ATP2B1: variants seen among roughly 807,000 people sequenced by gnomAD.
ATP2B1 encodes the protein ATPase plasma membrane Ca2+ transporting 1, also known as plasma membrane calcium-transporting ATPase 1.
A neutral mutation model predicts 124.2 loss-of-function variants in ATP2B1; 14 were observed. The observed-to-expected ratio is 0.11, with a 90% CI of 0.07 to 0.18. The LOEUF is 0.18. Ranked by LOEUF, ATP2B1 falls within the 10% of genes least tolerant of loss-of-function variation. The probability of loss-of-function intolerance (pLI) is 1.00; values close to 1 mark genes in which losing one functional copy is unlikely to be tolerated. For missense variants in ATP2B1, 763 were observed against 1,466.1 expected (o/e 0.52, Z 7.83); for synonymous variants, 449 against 492.4 (o/e 0.91, Z 1.17).
intron 1 of ATP2B1, among the ~76,000 whole-genome samples, chr12:89,678,243 T>C (rs1404942750): frequency 1.3e-5 from 2 of 152,066 alleles, no homozygotes; most frequent in East Asian, 3.9e-4. Context: ...CCATAGTGAT[T>C]CCATAATAGA....
chr12:89,675,486 GA>G, intron 1 of ATP2B1, among the ~76,000 whole-genome samples: 1 of 152,220 alleles, frequency 6.6e-6, no homozygotes, highest in African/African-American at 2.4e-5. Flanking sequence ...TGAATTTTGA[GA>G]ATATGTCTTA....
intron 1 of ATP2B1, among the ~76,000 whole-genome samples, chr12:89,664,040 ATTTAT>A (rs756085514): frequency 1.3e-5 from 2 of 152,208 alleles, no homozygotes; most frequent in African/African-American, 2.4e-5. Flanking sequence ...TACAGGGCCT[ATTTAT>A]TTTGTTTCTC....
intron 19 of ATP2B1, 75 bp from the exon 20 acceptor site, chr12:89,599,374 G>A (rs1017464543): frequency 6.8e-7 from 1 of 1,472,126 alleles, no homozygotes; most frequent in Non-Finnish European, 9.2e-7. Context: ...AATACTAAAG[G>A]TATTAAAAGT....
In ATP2B1 at chr12:89,590,784, C is replaced by A; in HGVS notation, c.*200G>T. ...TGTTTATCTGTCAGTTCATTTCTCC[C>A]ACCCCCCAAAAAGCACCCTCAGTCT... is the stretch of plus-strand genomic sequence containing the variant. On this transcript the variant is annotated 3_prime_UTR_variant, in exon 21 of 21. Coordinates refer to ENST00000428670, the MANE Select transcript of ATP2B1 (RefSeq NM_001366521.1). 1 of 555,070 alleles carries A rather than the reference C, an allele frequency of 1.8e-6. No individual in the cohort carries two copies. The highest frequency in any genetic ancestry group is 1.9e-5 in the African/African-American group (1 of 52,806). 34.4% of individuals were successfully genotyped at this position (555,070 alleles called of 1,614,324 possible).
intron 1 of ATP2B1, among the ~76,000 whole-genome samples, chr12:89,665,051 G>C (rs1283900440): frequency 6.6e-6 from 1 of 151,964 alleles, no homozygotes; most frequent in Non-Finnish European, 1.5e-5. Flanking sequence ...GGATAGTCTC[G>C]ATCTCCTGAC....
In ATP2B1 at chr12:89,604,363, T is replaced by C; in HGVS notation, c.2443-17A>G. On this transcript the variant is annotated splice_polypyrimidine_tract_variant and intron_variant, in intron 15 of 20. Transcript: ENST00000428670. ...AGCAATACCCTGTTAAAAAAAATTT[T>C]GTGAATTAGACTAAATGTTTTAAGT... 6.4e-7 allele frequency: 1 copy of C among 1,571,086 alleles called. No individual in the cohort carries two copies. The highest frequency in any genetic ancestry group is 8.6e-7 in the Non-Finnish European group (1 of 1,161,646).
At position 89,621,741 on chromosome 12, in the gene ATP2B1, G is replaced by T; in HGVS notation, c.1395C>A (p.Thr465=). 6.2e-7 allele frequency: 1 copy of T among 1,604,866 alleles called. No individual in the cohort carries two copies. Among genetic ancestry groups the T allele is most frequent in the South Asian group, 1.1e-5 (1 of 89,284 alleles). ...AACAAATAGCTGTAGCATTTCCCATGGTTTCACAAGCATCCAGATGCCTTA... is the reference window on the plus strand; with the variant it reads ...AACAAATAGCTGTAGCATTTCCCATTGTTTCACAAGCATCCAGATGCCTTA... ...NLVRHLDACE[T]MGNATAICSD... The change falls in exon 10 of 21, where the codon ACC becomes ACA. Residue 465 remains threonine, a synonymous_variant. Transcript: ENST00000428670.
intron 3 of ATP2B1, among the ~76,000 whole-genome samples, chr12:89,636,655 G>T (rs1198512301): frequency 2.0e-5 from 3 of 152,064 alleles, no homozygotes; most frequent in Non-Finnish European, 4.4e-5. Context: ...GAGGTGTGAG[G>T]GTGCTGACTA....
At chr12:89,696,015 A>C (rs1267736983) in intron 1 of ATP2B1, among the ~76,000 whole-genome samples, 1 of 152,252 alleles carries the variant, frequency 6.6e-6, no homozygotes, top group East Asian at 1.9e-4. Context: ...CAAGAGGCTC[A>C]TTCAAGAATC....
In ATP2B1 at chr12:89,687,040, C is replaced by T. The variant is rs559295853; in HGVS notation, c.-222+21556G>A. 2.0e-5 allele frequency among the ~76,000 whole-genome samples: 3 copies of T among 152,122 alleles called. No homozygotes were observed. In the East Asian group the frequency reaches 5.8e-4, roughly 29 times the overall value. ...AAAAAAGGATGTGTCTGAGCATTTA[C>T]AGACATGTTTTTCTTGTCGTTATTC... On this transcript the variant is annotated intron_variant, in intron 1 of 20. Coordinates refer to ENST00000428670, the MANE Select transcript of ATP2B1 (RefSeq NM_001366521.1).
intron 1 of ATP2B1, among the ~76,000 whole-genome samples, chr12:89,667,933 A>C (rs1231997018): frequency 1.3e-5 from 2 of 152,220 alleles, no homozygotes; most frequent in African/African-American, 4.8e-5. Flanking sequence ...TAGCCAAAAC[A>C]AGCAAACAAT....
At chr12:89,703,041 C>T (rs1892042364) in intron 1 of ATP2B1, among the ~76,000 whole-genome samples, 1 of 152,086 alleles carries the variant, frequency 6.6e-6, no homozygotes, top group African/African-American at 2.4e-5. Context: ...CTAAATAAAC[C>T]TTAAGGTGTA....
intron 1 of ATP2B1, among the ~76,000 whole-genome samples, chr12:89,698,161 C>A (rs1000178501): frequency 2.0e-5 from 3 of 152,172 alleles, no homozygotes; most frequent in African/African-American, 7.2e-5. Context: ...AGCACAAACA[C>A]AAATGCTTCC....
At chr12:89,620,364 T>C (rs1879759079) in intron 10 of ATP2B1, 124 bp from the exon 11 acceptor site, 1 of 1,212,556 alleles carries the variant, frequency 8.2e-7, no homozygotes, top group East Asian at 2.5e-5. Flanking sequence ...ATCAACATTT[T>C]AAAGAAGGAT....
chr12:89,657,374 A>T (rs1886087841), intron 1 of ATP2B1, among the ~76,000 whole-genome samples: 1 of 152,218 alleles, frequency 6.6e-6, no homozygotes, highest in African/African-American at 2.4e-5. Context: ...TAGTTTTTGA[A>T]ATAGGCATCA....
chr12:89,702,729 A>T (rs898760002), intron 1 of ATP2B1, among the ~76,000 whole-genome samples: 1 of 152,120 alleles, frequency 6.6e-6, no homozygotes, highest in Non-Finnish European at 1.5e-5. Context: ...ATTCAACACT[A>T]CCTTTATTTG....
At chr12:89,667,926 C>A (rs994873207) in intron 1 of ATP2B1, among the ~76,000 whole-genome samples, 3 of 152,078 alleles carry the variant, frequency 2.0e-5, no homozygotes, top group Non-Finnish European at 2.9e-5. Context: ...ATCTGAATAG[C>A]CAAAACAAGC....
chr12:89,644,166 G>A (rs1296576472), intron 2 of ATP2B1, among the ~76,000 whole-genome samples: 1 of 151,982 alleles, frequency 6.6e-6, no homozygotes, highest in Admixed American at 6.6e-5. Context: ...TAGAGAAGAA[G>A]GCAGAGATAA....
In ATP2B1 at chr12:89,591,006, T is replaced by A; in HGVS notation, c.3641A>T (p.His1214Leu). The A allele has an allele frequency of 6.2e-7, 1 of 1,612,832 alleles. No individual in the cohort carries two copies. Among genetic ancestry groups the A allele is most frequent in the East Asian group, 2.2e-5 (1 of 44,860 alleles). The stretch of plus-strand genomic sequence containing the variant: ...CAATCAGAGTGATGTTTCCAAACTA[T>A]GTAGTGGGCTTCCTGGGGATGAAGA... Reference protein sequence around the residue: ...ATSSSPGSPLHSLETSL With the variant: ...ATSSSPGSPLLSLETSL The change falls in exon 21 of 21, where the codon CAT becomes CTT. Residue 1214 changes from histidine to leucine, a missense_variant. Coordinates refer to ENST00000428670, the MANE Select transcript of ATP2B1 (RefSeq NM_001366521.1).
Sources: gnomAD v4.1 joint callset for allele counts (sites outside exome capture counted in the v4.1 genomes callset) on GRCh38, gnomAD v4.1.1 for gene constraint, MANE v1.5 for transcripts, NCBI Gene and HGNC (gene_info 2026-07-23, HGNC 2026-07-21) for gene names.